C5orf46: variants seen among roughly 807,000 people sequenced by gnomAD.
C5orf46 encodes the protein uncharacterized protein C5orf46.
In C5orf46, 9 loss-of-function variants were observed where a neutral mutation model predicts 8.9. The ratio of observed to expected loss-of-function variants is 1.01; its 90% CI spans 0.61 to 1.76. The LOEUF (loss-of-function observed/expected upper bound fraction) is 1.76, where lower values mean the gene tolerates loss of function less well. Ranked by LOEUF, C5orf46 falls within the 40% of genes most tolerant of loss-of-function variation. C5orf46 has a pLI of 0.00. For missense variants in C5orf46, 98 were observed against 107.8 expected (o/e 0.91, Z 0.40); for synonymous variants, 47 against 41.4 (o/e 1.14, Z -0.52).
intron 2 of C5orf46, among the ~76,000 whole-genome samples, chr5:147,899,642 A>G (rs537205065): frequency 5.3e-5 from 8 of 152,248 alleles, no homozygotes; most frequent in Non-Finnish European, 1.2e-4. Flanking sequence ...TTAAAAATAA[A>G]TAAGTCATTT....
chr5:147,891,364 G>A (rs1441430631), downstream of C5orf46, among the ~76,000 whole-genome samples: 2 of 152,132 alleles, frequency 1.3e-5, no homozygotes, highest in African/African-American at 4.8e-5. Flanking sequence ...TGGAGGGTAG[G>A]GGAAGAAGGC....
intron 2 of C5orf46, 184 bp downstream of exon 2, chr5:147,901,445 A>G (rs1244371886): frequency 3.9e-6 from 2 of 509,220 alleles, no homozygotes; most frequent in Non-Finnish European, 6.7e-6. Flanking sequence ...TTCCCCCAAA[A>G]AGCTCAGGGC....
At chr5:147,903,370 T>C (rs1259333353) in intron 1 of C5orf46, among the ~76,000 whole-genome samples, 1 of 152,244 alleles carries the variant, frequency 6.6e-6, no homozygotes, top group Non-Finnish European at 1.5e-5. Context: ...AGATTATTCA[T>C]TGCATATCAG....
chr5:147,896,392 G>A (rs1757580275), intron 3 of C5orf46, among the ~76,000 whole-genome samples: 1 of 152,108 alleles, frequency 6.6e-6, no homozygotes, highest in Non-Finnish European at 1.5e-5. Context: ...TTAGCTTAAT[G>A]CCTAAAACAG....
chr5:147,901,772 G>C lies in C5orf46; in HGVS notation c.72C>G (p.Asp24Glu), dbSNP rs753733525. 3.1e-6 allele frequency: 5 copies of C among 1,612,908 alleles called. No individual in the cohort carries two copies. Among genetic ancestry groups the C allele is most frequent in the Middle Eastern group, 1.6e-4 (1 of 6,080 alleles). Residue 24 changes from aspartate to glutamate, a missense_variant and splice_region_variant, in exon 2 of 4, where the codon GAC (aspartate) becomes GAG (glutamate). Physicochemically the swap from Asp to Glu is conservative, Grantham distance 45 (BLOSUM62 2). Transcript: ENST00000318315. ...LLVLFLTCYADDKPDKPDDKP... is the reference protein window; with the variant it reads ...LLVLFLTCYAEDKPDKPDDKP... ...TGTCGTCTGGCTTGTCTGGTTTGTC[G>C]TCTGAAAAACAACAGAATCTCAGAG...
intron 1 of C5orf46, among the ~76,000 whole-genome samples, chr5:147,902,271 G>A (rs1200963693): frequency 1.3e-5 from 2 of 152,116 alleles, no homozygotes; most frequent in Non-Finnish European, 2.9e-5. Context: ...GGGTAACATA[G>A]TGAGACTTCC....
intron 2 of C5orf46, 182 bp downstream of exon 2, chr5:147,901,447 G>C: frequency 1.9e-6 from 1 of 518,780 alleles, no homozygotes; most frequent in Non-Finnish European, 3.3e-6. Flanking sequence ...CCCCCAAAAA[G>C]CTCAGGGCAG....
At chr5:147,905,550 G>A (rs1240001056) in intron 1 of C5orf46, among the ~76,000 whole-genome samples, 1 of 152,186 alleles carries the variant, frequency 6.6e-6, no homozygotes, top group African/African-American at 2.4e-5. Context: ...AAAGGATTCT[G>A]TCACTAAATG....
At chr5:147,892,644 G>T (rs1337108318), downstream of C5orf46, 1 of 152,172 alleles carries the variant, frequency 6.6e-6, no homozygotes, top group South Asian at 2.1e-4. Context: ...TTCACCAAGA[G>T]ATATATATTT....
At chr5:147,892,627 A>G (rs1450009613), downstream of C5orf46, 1 of 152,164 alleles carries the variant, frequency 6.6e-6, no homozygotes, top group African/African-American at 2.4e-5. Flanking sequence ...ATATAAATAT[A>G]TAAATATTCA....
downstream of C5orf46, among the ~76,000 whole-genome samples, chr5:147,890,876 T>C (rs1379495661): frequency 6.6e-6 from 1 of 152,214 alleles, no homozygotes; most frequent in East Asian, 1.9e-4. Flanking sequence ...AAGTGTTTGT[T>C]TCAAATGAGA....
intron 2 of C5orf46, 99 bp from the exon 3 acceptor site, chr5:147,897,140 T>G (rs1208066084): frequency 4.1e-6 from 2 of 490,098 alleles, no homozygotes; most frequent in Non-Finnish European, 7.2e-6. Flanking sequence ...CACACTGTTC[T>G]TCTCTAGATT....
chr5:147,893,967 G>A (rs982631724), intron 3 of C5orf46, among the ~76,000 whole-genome samples: 7 of 150,614 alleles, frequency 4.6e-5, no homozygotes, highest in South Asian at 2.1e-4. Context: ...TCATGAAAAC[G>A]TAATCAAGTG....
At chr5:147,895,912 C>T (rs1021949900) in intron 3 of C5orf46, among the ~76,000 whole-genome samples, 7 of 152,042 alleles carry the variant, frequency 4.6e-5, no homozygotes. Flanking sequence ...GGCTAAGTTC[C>T]GGGGGAATAT....
intron 2 of C5orf46, among the ~76,000 whole-genome samples, chr5:147,897,473 G>T (rs1757600397): frequency 6.6e-6 from 1 of 152,124 alleles, no homozygotes; most frequent in Non-Finnish European, 1.5e-5. Context: ...AAGTTACAAA[G>T]AAAATTTAAA....
downstream of C5orf46, among the ~76,000 whole-genome samples, chr5:147,890,472 A>G (rs1757486766): frequency 6.6e-6 from 1 of 152,216 alleles, no homozygotes; most frequent in Non-Finnish European, 1.5e-5. Flanking sequence ...GAATGAAATA[A>G]ATAAAGTTTT....
downstream of C5orf46, among the ~76,000 whole-genome samples, chr5:147,891,844 A>AT (rs1757506953): frequency 6.6e-6 from 1 of 152,202 alleles, no homozygotes; most frequent in South Asian, 2.1e-4. Flanking sequence ...AGTAACATGC[A>AT]TTTTTCAACA....
intron 2 of C5orf46, among the ~76,000 whole-genome samples, chr5:147,900,635 C>A (rs776712643): frequency 6.6e-6 from 1 of 152,166 alleles, no homozygotes; most frequent in Non-Finnish European, 1.5e-5. Flanking sequence ...AAACCATATC[C>A]ATGGCCTTGT....
chr5:147,898,305 G>A (rs950062850), intron 2 of C5orf46, among the ~76,000 whole-genome samples: 1 of 152,130 alleles, frequency 6.6e-6, no homozygotes, highest in Non-Finnish European at 1.5e-5. Flanking sequence ...TATACCCGAG[G>A]AAGGTATATA....
Sources: allele counts gnomAD v4.1 joint callset (sites outside exome capture counted in the v4.1 genomes callset), GRCh38; gene constraint gnomAD v4.1.1; transcripts MANE v1.5; gene names NCBI Gene and HGNC (gene_info 2026-07-23, HGNC 2026-07-21).